Variants in NEURL1 observed in about 807,000 individuals in gnomAD.
NEURL1 encodes the protein neuralized E3 ubiquitin protein ligase 1.
In NEURL1, 26 loss-of-function variants were observed where a neutral mutation model predicts 41.2. The observed-to-expected ratio is 0.63, with a 90% CI of 0.46 to 0.87. The LOEUF (loss-of-function observed/expected upper bound fraction) is 0.87, where lower values mean the gene tolerates loss of function less well. NEURL1 is among the 40% of genes least tolerant of loss of function. The pLI, the probability that NEURL1 is intolerant of heterozygous loss-of-function variation, is 0.00. For synonymous variants in NEURL1, 400 were observed against 402.3 expected (o/e 0.99, Z 0.07); for missense variants, 761 against 871.1 (o/e 0.87, Z 1.59).
chr10:103,522,463 A>T (rs1015432212), intron 1 of NEURL1, among the ~76,000 whole-genome samples: 30 of 151,604 alleles, frequency 2.0e-4, no homozygotes, highest in Non-Finnish European at 8.8e-5. Context: ...CAAAAAAAAA[A>T]AATTAGCCGG....
At chr10:103,524,778 A>T (rs759463706) in intron 1 of NEURL1, among the ~76,000 whole-genome samples, 3 of 151,948 alleles carry the variant, frequency 2.0e-5, no homozygotes, top group African/African-American at 7.3e-5. Flanking sequence ...TTATGTCTGG[A>T]TTTCCTATTC....
intron 1 of NEURL1, among the ~76,000 whole-genome samples, chr10:103,568,603 T>G (rs1234750059): frequency 6.6e-6 from 1 of 152,164 alleles, no homozygotes; most frequent in Non-Finnish European, 1.5e-5. Context: ...TCCAATTTGA[T>G]GAGTTTTGAC....
intron 5 of NEURL1, 44 bp downstream of exon 5, chr10:103,589,704 T>A (rs749491153): frequency 6.4e-7 from 1 of 1,574,210 alleles, no homozygotes; most frequent in East Asian, 2.3e-5. Flanking sequence ...CATGTGGGAC[T>A]GCAGCAAGGA....
At chr10:103,494,808 CGT>C (rs58866516) in intron 1 of NEURL1, 224,002 of 281,248 alleles carry the variant, frequency 0.8, 89,992 homozygotes, top group East Asian at 1. Context: ...TTGGGTCGTC[CGT>C]GTCTCCAGGG....
In NEURL1 at chr10:103,570,750, G is replaced by T. The variant is rs111877110; in HGVS notation, c.86-122G>T. The T allele has an allele frequency of 3.9e-4, 586 of 1,488,242 alleles. 3 individuals carry two copies. In the African/African-American group the frequency reaches 7.4e-3, roughly 19 times the overall value. The allele number at this position is 1,488,242 out of a possible 1,614,324, so 92.2% of individuals were successfully genotyped here. A position where few individuals can be genotyped will look rare whatever the true frequency, so the allele number is the denominator to read the frequency against. The stretch of plus-strand genomic sequence containing the variant: ...GATGGTGGCAAGGGGTGGCGGCAGT[G>T]GTGAAAGAACTGGGCTCTGGGTGAC... On this transcript the variant is annotated intron_variant, in intron 1 of 5. Transcript: ENST00000369780.
At chr10:103,498,297 G>C (rs2033735266) in intron 1 of NEURL1, among the ~76,000 whole-genome samples, 1 of 152,128 alleles carries the variant, frequency 6.6e-6, no homozygotes, top group Non-Finnish European at 1.5e-5. Context: ...GCGCGATCTC[G>C]GCTCACTGCA....
chr10:103,511,323 C>T (rs889383367), intron 1 of NEURL1, among the ~76,000 whole-genome samples: 1 of 152,160 alleles, frequency 6.6e-6, no homozygotes, highest in Non-Finnish European at 1.5e-5. Context: ...GGCCATGGAA[C>T]CTGAGAGGCT....
At chr10:103,573,413 G>A (rs184047113) in intron 3 of NEURL1, among the ~76,000 whole-genome samples, 9 of 152,290 alleles carry the variant, frequency 5.9e-5, no homozygotes, top group African/African-American at 1.4e-4. Flanking sequence ...CATCTGTAAC[G>A]TGGGGCTAAA....
chr10:103,564,106 C>G (rs538192482), intron 1 of NEURL1, among the ~76,000 whole-genome samples: 1 of 152,302 alleles, frequency 6.6e-6, no homozygotes, highest in East Asian at 1.9e-4. Context: ...ATGGGGAGGT[C>G]ACTCCGGAGG....
intron 1 of NEURL1, among the ~76,000 whole-genome samples, chr10:103,553,839 C>G (rs2035086813): frequency 1.3e-5 from 2 of 152,220 alleles, no homozygotes; most frequent in Non-Finnish European, 2.9e-5. Flanking sequence ...TCCAAGATCC[C>G]AGACCTTGAG....
intron 1 of NEURL1, among the ~76,000 whole-genome samples, chr10:103,522,886 G>T (rs1468584092): frequency 1.3e-5 from 2 of 151,840 alleles, no homozygotes; most frequent in African/African-American, 4.8e-5. Context: ...GGAGCCTAAA[G>T]ATGCTTTTGA....
At chr10:103,529,266 C>G (rs560382840) in intron 1 of NEURL1, among the ~76,000 whole-genome samples, 3 of 152,112 alleles carry the variant, frequency 2.0e-5, no homozygotes, top group Admixed American at 2.0e-4. Context: ...TTTGATGGAT[C>G]TTTGTTCGAT....
At chr10:103,567,694 T>C (rs550276134) in intron 1 of NEURL1, among the ~76,000 whole-genome samples, 1 of 152,360 alleles carries the variant, frequency 6.6e-6, no homozygotes, top group African/African-American at 2.4e-5. Context: ...CCACTGCACC[T>C]GGCCTCTTAA....
intron 1 of NEURL1, among the ~76,000 whole-genome samples, chr10:103,552,452 A>T (rs2035050706): frequency 6.6e-6 from 1 of 151,796 alleles, no homozygotes; most frequent in South Asian, 2.1e-4. Flanking sequence ...CCTATGTTGT[A>T]CTCACTCTCT....
intron 1 of NEURL1, among the ~76,000 whole-genome samples, chr10:103,546,048 G>C (rs115149301): frequency 0.016 from 2,438 of 152,282 alleles, 65 homozygotes; most frequent in African/African-American, 0.056. Context: ...CTGTCAGCTA[G>C]GCCAGGTGCA....
At chr10:103,589,693 C>A in intron 5 of NEURL1, 33 bp downstream of exon 5, 2 of 1,583,162 alleles carry the variant, frequency 1.3e-6, no homozygotes, top group Non-Finnish European at 8.6e-7. Context: ...TCCTTGGTGA[C>A]CATGTGGGAC....
chr10:103,544,202 C>T (rs1009814098), intron 1 of NEURL1, among the ~76,000 whole-genome samples: 1 of 152,158 alleles, frequency 6.6e-6, no homozygotes, highest in Non-Finnish European at 1.5e-5. Flanking sequence ...ACGGTGACCT[C>T]TTGGATGGGG....
At chr10:103,571,205 G>A in intron 2 of NEURL1, 92 bp downstream of exon 2, 2 of 1,314,866 alleles carry the variant, frequency 1.5e-6, no homozygotes, top group African/African-American at 1.4e-5. Context: ...CTCAGCCGCT[G>A]CCTGCTGCCA....
At chr10:103,580,866 C>T (rs1169470383) in intron 3 of NEURL1, among the ~76,000 whole-genome samples, 1 of 152,210 alleles carries the variant, frequency 6.6e-6, no homozygotes, top group Admixed American at 6.5e-5. Flanking sequence ...TGTACATCCT[C>T]CACTGTTTCT....
Sources: allele counts gnomAD v4.1 joint callset (sites outside exome capture counted in the v4.1 genomes callset), GRCh38; gene constraint gnomAD v4.1.1; transcripts MANE v1.5; gene names NCBI Gene and HGNC (gene_info 2026-07-23, HGNC 2026-07-21).